The following SLCO2A1 variants were observed in gnomAD, a reference collection of about 807,000 sequenced individuals.
The protein encoded by SLCO2A1 is solute carrier organic anion transporter family member 2A1, also known as matrin F/G 1.
In SLCO2A1, 60 loss-of-function variants were observed where a neutral mutation model predicts 71.7. The observed-to-expected ratio is 0.84, with a 90% CI of 0.68 to 1.04. The LOEUF is 1.04. SLCO2A1 is among the 50% of genes least tolerant of loss of function. The pLI, the probability that SLCO2A1 is intolerant of heterozygous loss-of-function variation, is 0.00. For synonymous variants in SLCO2A1, 308 were observed against 326.7 expected (o/e 0.94, Z 0.62); for missense variants, 745 against 813.4 (o/e 0.92, Z 1.02).
intron 4 of SLCO2A1, among the ~76,000 whole-genome samples, chr3:133,954,301 C>T (rs751091625): frequency 2.0e-5 from 3 of 151,658 alleles, no homozygotes; most frequent in Non-Finnish European, 4.4e-5. Flanking sequence ...TAGCTGGGAC[C>T]ACAGGTATGC....
intron 2 of SLCO2A1, among the ~76,000 whole-genome samples, chr3:133,974,468 T>G (rs961630674): frequency 6.6e-6 from 1 of 152,252 alleles, no homozygotes; most frequent in South Asian, 2.1e-4. Flanking sequence ...ACTAGAGTTG[T>G]CTGCCACCTC....
At chr3:133,955,443 G>A in intron 3 of SLCO2A1, 1 of 532,662 alleles carries the variant, frequency 1.9e-6, no homozygotes, top group Non-Finnish European at 3.3e-6. Context: ...CTATTTCTCA[G>A]GTGGAGAGGA....
chr3:133,965,899 T>C (rs1934153863), intron 3 of SLCO2A1, among the ~76,000 whole-genome samples: 1 of 152,204 alleles, frequency 6.6e-6, no homozygotes, highest in Non-Finnish European at 1.5e-5. Flanking sequence ...TCCAGAAGAC[T>C]GACCTGGGAC....
intron 3 of SLCO2A1, among the ~76,000 whole-genome samples, chr3:133,963,000 A>G (rs1397547502): frequency 6.6e-6 from 1 of 152,008 alleles, no homozygotes; most frequent in East Asian, 1.9e-4. Context: ...ATCAGAGCAC[A>G]TTTTTTCCCA....
At chr3:133,944,000 C>G (rs1008738146) in intron 10 of SLCO2A1, among the ~76,000 whole-genome samples, 7 of 152,248 alleles carry the variant, frequency 4.6e-5, no homozygotes, top group African/African-American at 1.7e-4. Flanking sequence ...GCCTGCCTGG[C>G]TCTGGCTCCT....
chr3:133,952,655 T>C (rs1933773974), intron 5 of SLCO2A1, among the ~76,000 whole-genome samples: 1 of 152,224 alleles, frequency 6.6e-6, no homozygotes, highest in Non-Finnish European at 1.5e-5. Context: ...TATGCTGGTG[T>C]CTAGGGACTA....
At chr3:133,958,375 A>G (rs1050465859) in intron 3 of SLCO2A1, among the ~76,000 whole-genome samples, 3 of 152,172 alleles carry the variant, frequency 2.0e-5, no homozygotes, top group Non-Finnish European at 4.4e-5. Flanking sequence ...TGGTGGGCAG[A>G]GTGTTAGGCT....
chr3:133,971,420 G>C (rs1254638952), intron 3 of SLCO2A1, among the ~76,000 whole-genome samples: 2 of 152,228 alleles, frequency 1.3e-5, no homozygotes, highest in Admixed American at 6.5e-5. Flanking sequence ...ATACATTTAT[G>C]AGAAATGACC....
At chr3:134,022,035 ACACCTCACCAGTTCAGAAGT>A (rs2108079842) in intron 1 of SLCO2A1, among the ~76,000 whole-genome samples, 1 of 151,454 alleles carries the variant, frequency 6.6e-6, no homozygotes, top group African/African-American at 2.4e-5. Context: ...CATTGTGAGC[ACACCTCACCAGTTCAGAAGT>A]ATCCTAAAGG....
intron 1 of SLCO2A1, among the ~76,000 whole-genome samples, chr3:133,980,239 T>C (rs765603123): frequency 1.1e-4 from 16 of 152,266 alleles, no homozygotes; most frequent in Non-Finnish European, 1.6e-4. Context: ...CAGGACTATC[T>C]TGGCCTCTCA....
intron 1 of SLCO2A1, among the ~76,000 whole-genome samples, chr3:134,025,481 C>T (rs946668339): frequency 2.6e-5 from 4 of 151,944 alleles, no homozygotes; most frequent in Non-Finnish European, 5.9e-5. Flanking sequence ...GGTGCCCAAA[C>T]GAGTCATCTT....
rs574725059 is a variant in SLCO2A1 at position 133,933,751 on chromosome 3, G to A, written c.*962C>T. 2.0e-5 allele frequency: 3 copies of A among 152,334 alleles called. No individual in the cohort carries two copies. In the South Asian group the frequency reaches 6.2e-4, roughly 32 times the overall value. 9.4% of individuals were successfully genotyped at this position (152,334 alleles called of 1,614,324 possible). A position where few individuals can be genotyped will look rare whatever the true frequency, so the allele number is the denominator to read the frequency against. On this transcript the variant is annotated 3_prime_UTR_variant, in exon 14 of 14. Coordinates refer to ENST00000310926, the MANE Select transcript of SLCO2A1 (RefSeq NM_005630.3). The stretch of plus-strand genomic sequence containing the variant: ...ATCTCTTCTGCCTCTCTACTCCTCG[G>A]AATACGGGCTGAAGTCCAGACAGGG...
At chr3:134,026,376 C>G (rs146781031) in intron 1 of SLCO2A1, among the ~76,000 whole-genome samples, 288 of 151,550 alleles carry the variant, frequency 1.9e-3, no homozygotes, top group African/African-American at 6.6e-3. Flanking sequence ...ATAGAGCTTA[C>G]GCCAAATTAC....
chr3:133,934,801 G>A lies in SLCO2A1; in HGVS notation c.1844C>T (p.Ala615Val), dbSNP rs148426132. 3.8e-5 allele frequency: 62 copies of A among 1,611,906 alleles called. No homozygotes were observed. Among genetic ancestry groups the A allele is most frequent in the South Asian group, 2.2e-4 (20 of 91,038 alleles). ...GAAGCAAAGCAGCAGCATGCCCAGC[G>A]CCTTGTAGCCCATCTGCAGGCCCAG... is the stretch of plus-strand genomic sequence containing the variant. ...RYLGLQMGYK[A>V]LGMLLLCFIS... The change falls in exon 14 of 14, where the codon GCG (alanine) becomes GTG (valine). Residue 615 changes from alanine to valine, a missense_variant. Transcript: ENST00000310926.
At chr3:134,008,289 T>G (rs1935262104) in intron 1 of SLCO2A1, among the ~76,000 whole-genome samples, 1 of 152,238 alleles carries the variant, frequency 6.6e-6, no homozygotes, top group Non-Finnish European at 1.5e-5. Context: ...CTGTCCACTG[T>G]CTATCTCACT....
rs1933221046 is a variant in SLCO2A1 at position 133,934,644 on chromosome 3, A to T, written c.*69T>A. The T allele has an allele frequency of 9.6e-6, 10 of 1,041,764 alleles. No homozygotes were observed. The highest frequency in any genetic ancestry group is 9.6e-5 in the East Asian group (4 of 41,852). 64.5% of individuals were successfully genotyped at this position (1,041,764 alleles called of 1,614,324 possible). A position where few individuals can be genotyped will look rare whatever the true frequency, so the allele number is the denominator to read the frequency against. ...AAAAAGGAAATGACGTGTTAACATTAGTGAGTATAGGCAGGTGTGGAAGAG... is the reference window on the plus strand; with the variant it reads ...AAAAAGGAAATGACGTGTTAACATTTGTGAGTATAGGCAGGTGTGGAAGAG... On this transcript the variant is annotated 3_prime_UTR_variant, in exon 14 of 14. Coordinates refer to ENST00000310926, the MANE Select transcript of SLCO2A1 (RefSeq NM_005630.3).
At chr3:133,944,126 G>A (rs555223463) in intron 10 of SLCO2A1, among the ~76,000 whole-genome samples, 64 of 152,274 alleles carry the variant, frequency 4.2e-4, no homozygotes, top group Non-Finnish European at 7.8e-4. Context: ...TGTACTTGCT[G>A]CTCCCTTTAT....
chr3:133,972,622 C>T (rs4854779), intron 3 of SLCO2A1, among the ~76,000 whole-genome samples: 100,265 of 151,952 alleles, frequency 0.66, 33,293 homozygotes, highest in South Asian at 0.86. Context: ...AGAACAAATA[C>T]TAAATAGAAC....
intron 1 of SLCO2A1, among the ~76,000 whole-genome samples, chr3:133,989,066 C>T (rs1465678660): frequency 6.6e-6 from 1 of 152,202 alleles, no homozygotes; most frequent in East Asian, 1.9e-4. Context: ...AAGGAGAGTG[C>T]CTTAGATTGG....
Sources: allele counts gnomAD v4.1 joint callset (sites outside exome capture counted in the v4.1 genomes callset), GRCh38; gene constraint gnomAD v4.1.1; transcripts MANE v1.5; gene names NCBI Gene and HGNC (gene_info 2026-07-23, HGNC 2026-07-21).